The following SCIN variants were observed in gnomAD, a reference collection of about 807,000 sequenced individuals.
The protein encoded by SCIN is scinderin.
SCIN carries 91 observed loss-of-function variants against 91.8 expected under a neutral mutation model. The ratio of observed to expected loss-of-function variants is 0.99; its 90% CI spans 0.84 to 1.18. SCIN has a LOEUF of 1.18. Ranked by LOEUF, SCIN falls within the 50% of genes most tolerant of loss-of-function variation. The pLI is 0.00. For missense variants in SCIN, 1,087 were observed against 863.9 expected (o/e 1.26, Z -3.24); for synonymous variants, 367 against 312.6 (o/e 1.17, Z -1.84).
chr7:12,617,672 A>G (rs1783326817), intron 4 of SCIN, among the ~76,000 whole-genome samples: 2 of 152,122 alleles, frequency 1.3e-5, no homozygotes, highest in Non-Finnish European at 2.9e-5. Flanking sequence ...GACCTATCCC[A>G]ATGGTTGAGG....
At chr7:12,574,409 G>A (rs969937717) in intron 1 of SCIN, among the ~76,000 whole-genome samples, 9 of 152,196 alleles carry the variant, frequency 5.9e-5, no homozygotes, top group African/African-American at 1.4e-4. Context: ...GGAGAAGAGT[G>A]TATTATAAAA....
chr7:12,641,058 G>A (rs1326869666), intron 11 of SCIN, among the ~76,000 whole-genome samples: 5 of 152,142 alleles, frequency 3.3e-5, no homozygotes, highest in African/African-American at 1.2e-4. Context: ...GCCTGCCCAG[G>A]TTTTTAAATG....
chr7:12,645,471 T>C (rs1783946569), intron 13 of SCIN, among the ~76,000 whole-genome samples: 2 of 133,800 alleles, frequency 1.5e-5, no homozygotes, highest in African/African-American at 2.8e-5. Flanking sequence ...TGACAACCTT[T>C]GCTCTACACA....
At chr7:12,597,053 A>T (rs1782857474) in intron 3 of SCIN, among the ~76,000 whole-genome samples, 1 of 152,220 alleles carries the variant, frequency 6.6e-6, no homozygotes, top group African/African-American at 2.4e-5. Context: ...AGGTAGTTTG[A>T]AAAACACACA....
intron 8 of SCIN, among the ~76,000 whole-genome samples, chr7:12,627,863 C>T (rs28503694): frequency 1.3e-5 from 2 of 152,218 alleles, no homozygotes; most frequent in South Asian, 4.1e-4. Flanking sequence ...TCTGGGGGCT[C>T]TCTCTCGGAT....
At chr7:12,636,646 C>T (rs1209176435) in intron 10 of SCIN, among the ~76,000 whole-genome samples, 1 of 152,062 alleles carries the variant, frequency 6.6e-6, no homozygotes, top group East Asian at 1.9e-4. Flanking sequence ...GCGTAATCAC[C>T]AGGGTCCTTG....
chr7:12,641,257 T>C lies in SCIN; in HGVS notation c.1581+740T>C, dbSNP rs529851818. On this transcript the variant is annotated intron_variant, in intron 11 of 15. Coordinates refer to ENST00000297029, the MANE Select transcript of SCIN (RefSeq NM_001112706.3). The stretch of plus-strand genomic sequence containing the variant: ...GGGTTGGTCATCTCATCCCTCCACC[T>C]GCAACTTCTTCTCTAAGCCTCCCTC... Among the ~76,000 whole-genome samples the C allele has an allele frequency of 1.2e-3, 187 of 152,240 alleles. 1 individual carries two copies. The highest frequency in any genetic ancestry group is 4.0e-3 in the African/African-American group (166 of 41,558).
intron 1 of SCIN, among the ~76,000 whole-genome samples, chr7:12,576,493 T>C (rs1782375237): frequency 6.6e-6 from 1 of 152,164 alleles, no homozygotes; most frequent in Non-Finnish European, 1.5e-5. Flanking sequence ...TCTTCAACTT[T>C]GGTGAATACT....
intron 3 of SCIN, among the ~76,000 whole-genome samples, chr7:12,591,901 G>C (rs1054180493): frequency 1.3e-5 from 2 of 152,140 alleles, no homozygotes; most frequent in East Asian, 1.9e-4. Flanking sequence ...TATACCCTTT[G>C]ATAGCGAGAA....
chr7:12,641,354 G>C (rs1227872000), intron 11 of SCIN, among the ~76,000 whole-genome samples: 1 of 152,152 alleles, frequency 6.6e-6, no homozygotes, highest in Admixed American at 6.5e-5. Flanking sequence ...AGTGGAACTT[G>C]TGTTTTCCCA....
At chr7:12,588,601 G>C (rs962553549) in intron 3 of SCIN, among the ~76,000 whole-genome samples, 1 of 151,818 alleles carries the variant, frequency 6.6e-6, no homozygotes, top group Non-Finnish European at 1.5e-5. Context: ...TTGTTTGTTG[G>C]TTAACCTTAC....
In SCIN at chr7:12,599,808, A is replaced by G. The variant is rs536901560; in HGVS notation, c.517-4706A>G. ...ATCTTTTCATGTTTGTTGGCCATTT[A>G]TGTATCTTCTTCTCAGAACTGTCTG... On this transcript the variant is annotated intron_variant, in intron 3 of 15. Transcript: ENST00000297029. Among the ~76,000 whole-genome samples, 8 of 152,046 alleles carry G rather than the reference A, an allele frequency of 5.3e-5. No homozygotes were observed. In the South Asian group the frequency reaches 8.3e-4, roughly 16 times the overall value.
intron 8 of SCIN, among the ~76,000 whole-genome samples, chr7:12,627,515 G>A (rs1470366277): frequency 1.3e-5 from 2 of 152,084 alleles, no homozygotes; most frequent in Non-Finnish European, 2.9e-5. Context: ...GATTCCTTGA[G>A]GACAGGAATG....
intron 6 of SCIN, 79 bp downstream of exon 6, chr7:12,625,221 G>T (rs1783489986): frequency 1.3e-5 from 16 of 1,276,416 alleles, no homozygotes; most frequent in Middle Eastern, 4.3e-4. Context: ...TATATTTTTT[G>T]ATTTTAAAAA....
chr7:12,645,018 T>TTA (rs1783933221), intron 13 of SCIN, among the ~76,000 whole-genome samples: 1 of 93,768 alleles, frequency 1.1e-5, no homozygotes, highest in East Asian at 3.4e-4. Flanking sequence ...AAAACTCCGT[T>TTA]AAAAAAAAAA....
At position 12,655,922 on chromosome 7, in the gene SCIN, A is replaced by G. The variant is rs893792320; in HGVS notation, c.*3207A>G. Reference sequence around the variant, plus strand: ...AGGAAGCCTACTGTTAGTAGAGGTCAGCCTCATCTTTTCTCTCTGATTCAA... The same window carrying G: ...AGGAAGCCTACTGTTAGTAGAGGTCGGCCTCATCTTTTCTCTCTGATTCAA... On this transcript the variant is annotated 3_prime_UTR_variant, in exon 16 of 16. Transcript: ENST00000297029. 8 of 152,198 alleles carry G rather than the reference A, an allele frequency of 5.3e-5. No homozygotes were observed. Among genetic ancestry groups the G allele is most frequent in the South Asian group, 4.1e-4 (2 of 4,826 alleles). The allele number at this position is 152,198 out of a possible 1,614,324, so 9.4% of individuals were successfully genotyped here. A position where few individuals can be genotyped will look rare whatever the true frequency, so the allele number is the denominator to read the frequency against.
intron 1 of SCIN, among the ~76,000 whole-genome samples, chr7:12,574,835 C>T (rs73680862): frequency 0.031 from 4,688 of 152,204 alleles, 187 homozygotes; most frequent in African/African-American, 0.095. Flanking sequence ...CTGCGCCTCA[C>T]TATATAAATT....
intron 4 of SCIN, among the ~76,000 whole-genome samples, chr7:12,614,726 A>C (rs1783264746): frequency 6.6e-6 from 1 of 152,120 alleles, no homozygotes; most frequent in Admixed American, 6.6e-5. Context: ...CTTGGTTCTT[A>C]ATGTCCCAGA....
rs199909885 is a variant in SCIN, at chr7:12,640,500, A to G, written c.1564A>G (p.Ile522Val). The part of the protein sequence containing the change: ...LFQVRRNLAS[I>V]TRIVEVDVDA... ...TCAAGTCCGGAGAAACCTGGCATCT[A>G]TCACCAGAATTGTGGAGGTAATGTC... The change falls in exon 11 of 16, where the codon ATC becomes GTC. Residue 522 changes from isoleucine (I) to valine (V), a missense_variant. Coordinates refer to ENST00000297029, the MANE Select transcript of SCIN (RefSeq NM_001112706.3). The G allele has an allele frequency of 1.3e-3, 2,174 of 1,611,190 alleles. 4 individuals carry two copies. The highest frequency in any genetic ancestry group is 1.7e-3 in the Non-Finnish European group (2,011 of 1,178,714).
Sources: gnomAD v4.1 joint callset for allele counts (sites outside exome capture counted in the v4.1 genomes callset) on GRCh38, gnomAD v4.1.1 for gene constraint, MANE v1.5 for transcripts, NCBI Gene and HGNC (gene_info 2026-07-23, HGNC 2026-07-21) for gene names.